The following SLC35D3 variants were observed in gnomAD, a reference collection of about 807,000 sequenced individuals.
SLC35D3 encodes frc, fringe-like 1.
In SLC35D3, 18 loss-of-function variants were observed where a neutral mutation model predicts 20.3. The observed-to-expected ratio is 0.89, with a 90% CI of 0.61 to 1.32. The LOEUF (loss-of-function observed/expected upper bound fraction) is 1.32, where lower values mean the gene tolerates loss of function less well. Ranked by LOEUF, SLC35D3 falls within the 40% of genes most tolerant of loss-of-function variation. SLC35D3 has a pLI of 0.00. For missense variants in SLC35D3, 556 were observed against 565.5 expected (o/e 0.98, Z 0.17); for synonymous variants, 313 against 263.5 (o/e 1.19, Z -1.82).
In SLC35D3 at chr6:136,924,414, G is replaced by A. The variant is rs376903042; in HGVS notation, c.969G>A (p.Ala323=). 48 of 1,613,818 alleles carry A rather than the reference G, an allele frequency of 3.0e-5. No homozygotes were observed. The highest frequency in any genetic ancestry group is 4.1e-5 in the Non-Finnish European group (48 of 1,179,934). The change falls in exon 2 of 2, where the codon GCG becomes GCA. Residue 323 remains alanine, a synonymous_variant. Transcript: ENST00000331858. ...DLEAQPRGEE[A]QLSGDQLPFV... ...AGGCCCAGCCTCGGGGAGAGGAGGC[G>A]CAGCTAAGTGGAGACCAGCTGCCGT...
rs560417898 is a variant in SLC35D3, at chr6:136,922,665, G to A, written c.237G>A (p.Ala79=). The A allele has an allele frequency of 3.7e-6, 6 of 1,606,630 alleles. No homozygotes were observed. The East Asian group carries it at 9.0e-5, about 24-fold the overall frequency. ...PFGLSLARSF[A]GVAVLSTLQS... is the part of the protein sequence containing the mutation. ...GTCTGAGCCTGGCGCGCTCCTTCGCGGGGGTCGCGGTGCTCTCCACGCTGC... is the reference window on the plus strand; with the variant it reads ...GTCTGAGCCTGGCGCGCTCCTTCGCAGGGGTCGCGGTGCTCTCCACGCTGC... Residue 79 remains alanine, a synonymous_variant, in exon 1 of 2, where the codon GCG becomes GCA. Transcript: ENST00000331858. This position sits in a 1 kb window ranked among gnomAD's most constrained non-coding sequence, Gnocchi z 6.8.
rs532053221 is a variant in SLC35D3, at chr6:136,922,882, G to T, written c.439+15G>T. On this transcript the variant is annotated intron_variant, in intron 1 of 1. Coordinates refer to ENST00000331858, the MANE Select transcript of SLC35D3 (RefSeq NM_001008783.3). This position sits in a 1 kb window ranked among gnomAD's most constrained non-coding sequence, Gnocchi z 6.8. ...CGCCCTGGCAGGTGAGCGGGCCCCC[G>T]CGCCGACCCCCAGCCGACCCCACCC... is the stretch of plus-strand genomic sequence containing the variant. 1.3e-6 allele frequency: 2 copies of T among 1,515,180 alleles called. No homozygotes were observed. Among genetic ancestry groups the T allele is most frequent in the African/African-American group, 1.4e-5 (1 of 72,160 alleles). The allele number at this position is 1,515,180 out of a possible 1,614,324, so 93.9% of individuals were successfully genotyped here.
Position 136,922,722 on chromosome 6 carries a change from C to A in SLC35D3, c.294C>A (p.Gly98=). ...QSSLTLWSLR[G]LSLPMYVVFK... is the part of the protein sequence containing the mutation. ...GCCTCACGCTCTGGTCCCTGCGCGG[C>A]CTCAGCCTGCCCATGTACGTGGTCT... is the stretch of plus-strand genomic sequence containing the variant. Residue 98 remains glycine, a synonymous_variant, in exon 1 of 2, where the codon GGC becomes GGA. Coordinates refer to ENST00000331858, the MANE Select transcript of SLC35D3 (RefSeq NM_001008783.3). The surrounding 1 kb of genome is among the most constrained non-coding windows in gnomAD (Gnocchi z 6.8). 1.3e-6 allele frequency: 2 copies of A among 1,583,774 alleles called. No individual in the cohort carries two copies. The highest frequency in any genetic ancestry group is 1.7e-6 in the Non-Finnish European group (2 of 1,165,786).
Position 136,923,282 on chromosome 6 carries a change from A to G in SLC35D3, c.439+415A>G, listed in dbSNP as rs1191774471. ...CTTCCTTGGGTCACGAGGGGCTGGA[A>G]TGGAGGTGGGGGATGGGGGCGAAGC... is the stretch of plus-strand genomic sequence containing the variant. On this transcript the variant is annotated intron_variant, in intron 1 of 1. Transcript: ENST00000331858. This position sits in a 1 kb window ranked among gnomAD's most constrained non-coding sequence, Gnocchi z 6.2. Among the ~76,000 whole-genome samples the G allele has an allele frequency of 3.9e-5, 6 of 152,078 alleles. No homozygotes were observed. The highest frequency in any genetic ancestry group is 1.4e-4 in the African/African-American group (6 of 41,422).
At position 136,922,871 on chromosome 6, in the gene SLC35D3, A is replaced by C; in HGVS notation, c.439+4A>C. On this transcript the variant is annotated splice_donor_region_variant and intron_variant, in intron 1 of 1. Transcript: ENST00000331858. This position sits in a 1 kb window ranked among gnomAD's most constrained non-coding sequence, Gnocchi z 6.8. Reference sequence around the variant, plus strand: ...ACCTGCGGCGCCGCCCTGGCAGGTGAGCGGGCCCCCGCGCCGACCCCCAGC... The same window carrying C: ...ACCTGCGGCGCCGCCCTGGCAGGTGCGCGGGCCCCCGCGCCGACCCCCAGC... 1 of 1,527,348 alleles carries C rather than the reference A, an allele frequency of 6.5e-7. No homozygotes were observed. The highest frequency in any genetic ancestry group is 2.5e-5 in the East Asian group (1 of 40,588). The allele number at this position is 1,527,348 out of a possible 1,614,324, so 94.6% of individuals were successfully genotyped here.
At position 136,922,829 on chromosome 6, in the gene SLC35D3, C is replaced by A. The variant is rs1349305987; in HGVS notation, c.401C>A (p.Ala134Glu). 2 of 1,552,684 alleles carry A rather than the reference C, an allele frequency of 1.3e-6. No homozygotes were observed. Among genetic ancestry groups the A allele is most frequent in the Non-Finnish European group, 1.7e-6 (2 of 1,150,918 alleles). Residue 134 changes from alanine to glutamate, a missense_variant, in exon 1 of 2, where the codon GCG (alanine) becomes GAG (glutamate). Transcript: ENST00000331858. This position sits in a 1 kb window ranked among gnomAD's most constrained non-coding sequence, Gnocchi z 6.8. ...KNGAPSPGVL[A>E]AVLITTCGAA... The stretch of plus-strand genomic sequence containing the variant: ...GGCGCGCCCTCGCCAGGGGTGCTGG[C>A]GGCGGTGCTCATCACCACCTGCGGC...
chr6:136,924,537 G>T lies in SLC35D3; in HGVS notation c.1092G>T (p.Arg364Ser). 1 of 1,613,436 alleles carries T rather than the reference G, an allele frequency of 6.2e-7. No individual in the cohort carries two copies. Among genetic ancestry groups the T allele is most frequent in the Non-Finnish European group, 8.5e-7 (1 of 1,179,948 alleles). Reference protein sequence around the residue: ...GPAQESRQEVRGSPRGVPLVA... With the variant: ...GPAQESRQEVSGSPRGVPLVA... The stretch of plus-strand genomic sequence containing the variant: ...CTCAGGAGAGCAGGCAAGAGGTCAG[G>T]GGCAGCCCCCGAGGAGTCCCGCTGG... Residue 364 changes from arginine to serine, a missense_variant, in exon 2 of 2, where the codon AGG (arginine) becomes AGT (serine). Arg to Ser is a moderately radical substitution (Grantham distance 110). Transcript: ENST00000331858.
Position 136,924,041 on chromosome 6 carries a change from C to CGCT in SLC35D3, c.601_603dup (p.Leu201dup), listed in dbSNP as rs774412490. 3.3e-5 allele frequency: 53 copies of CGCT among 1,607,336 alleles called. No homozygotes were observed. The East Asian group carries it at 1.2e-3, about 35-fold the overall frequency. ...TACGTCATCGCCGTCTCTGCCACCC[C>CGCT]GCTGCTGGTCATCTGCTCCTTCGCC... On this transcript the variant is annotated inframe_insertion, in exon 2 of 2. Coordinates refer to ENST00000331858, the MANE Select transcript of SLC35D3 (RefSeq NM_001008783.3).
chr6:136,922,452 C>T lies in SLC35D3; in HGVS notation c.24C>T (p.Arg8=), dbSNP rs1355055221. MRQLCRG[R]VLGISVAIAH... is the part of the protein sequence containing the mutation. Reference sequence around the variant, plus strand: ...CGATGCGGCAGCTGTGCCGGGGCCGCGTGCTGGGCATCTCGGTGGCCATCG... The same window carrying T: ...CGATGCGGCAGCTGTGCCGGGGCCGTGTGCTGGGCATCTCGGTGGCCATCG... Residue 8 remains arginine (R), a synonymous_variant, in exon 1 of 2, where the codon CGC becomes CGT. Coordinates refer to ENST00000331858, the MANE Select transcript of SLC35D3 (RefSeq NM_001008783.3). This position sits in a 1 kb window ranked among gnomAD's most constrained non-coding sequence, Gnocchi z 6.8. 4 of 1,595,096 alleles carry T rather than the reference C, an allele frequency of 2.5e-6. No homozygotes were observed. The Middle Eastern group carries it at 5.0e-4, about 199-fold the overall frequency.
Position 136,922,817 on chromosome 6 carries a change from C to A in SLC35D3, c.389C>A (p.Pro130Gln). 6.4e-7 allele frequency: 1 copy of A among 1,558,948 alleles called. No homozygotes were observed. The highest frequency in any genetic ancestry group is 8.7e-7 in the Non-Finnish European group (1 of 1,153,114). ...GTGCTCAAGAACGGCGCGCCCTCGC[C>A]AGGGGTGCTGGCGGCGGTGCTCATC... ...VLVLKNGAPSPGVLAAVLITT... is the reference protein window; with the variant it reads ...VLVLKNGAPSQGVLAAVLITT... Residue 130 changes from proline to glutamine, a missense_variant, in exon 1 of 2, where the codon CCA becomes CAA. Pro to Gln is a moderately conservative substitution (Grantham distance 76). Transcript: ENST00000331858. The surrounding 1 kb of genome is among the most constrained non-coding windows in gnomAD (Gnocchi z 6.8).
chr6:136,923,135 T>C lies in SLC35D3; in HGVS notation c.439+268T>C, dbSNP rs1249925862. On this transcript the variant is annotated intron_variant, in intron 1 of 1. Coordinates refer to ENST00000331858, the MANE Select transcript of SLC35D3 (RefSeq NM_001008783.3). The surrounding 1 kb of genome is among the most constrained non-coding windows in gnomAD (Gnocchi z 6.2). Reference sequence around the variant, plus strand: ...ATGCTTCACCCGGCATCGCCCTTCCTGTCGCCCCCTCTCCTGGTCTTCCCC... The same window carrying C: ...ATGCTTCACCCGGCATCGCCCTTCCCGTCGCCCCCTCTCCTGGTCTTCCCC... 6.6e-6 allele frequency among the ~76,000 whole-genome samples: 1 copy of C among 152,096 alleles called. No individual in the cohort carries two copies. Among genetic ancestry groups the C allele is most frequent in the Non-Finnish European group, 1.5e-5 (1 of 68,006 alleles).
rs374395876 is a variant in SLC35D3, at chr6:136,924,060, C to T, written c.615C>T (p.Ser205=). ...CCACCCCGCTGCTGGTCATCTGCTC[C>T]TTCGCCAGCACCGACTCCATCCACG... ...VSATPLLVIC[S]FASTDSIHAW... Residue 205 remains serine, a synonymous_variant, in exon 2 of 2, where the codon TCC becomes TCT. Coordinates refer to ENST00000331858, the MANE Select transcript of SLC35D3 (RefSeq NM_001008783.3). 6.2e-7 allele frequency: 1 copy of T among 1,610,504 alleles called. No homozygotes were observed.
At position 136,925,283 on chromosome 6, in the gene SLC35D3, C is replaced by T. The variant is rs1562766705; in HGVS notation, c.*587C>T. ...TTATTGTATTATATATTGATAGAAA[C>T]TGTTAAAGCTATTTTGAAAATATGA... On this transcript the variant is annotated 3_prime_UTR_variant, in exon 2 of 2. Transcript: ENST00000331858. 6.6e-6 allele frequency: 1 copy of T among 152,578 alleles called. No individual in the cohort carries two copies. Among genetic ancestry groups the T allele is most frequent in the African/African-American group, 2.4e-5 (1 of 41,422 alleles). 9.5% of individuals were successfully genotyped at this position (152,578 alleles called of 1,614,324 possible).
rs979420849 is a variant in SLC35D3, at chr6:136,923,958, C to T, written c.513C>T (p.Tyr171=). Residue 171 remains tyrosine (Y), a synonymous_variant, in exon 2 of 2, where the codon TAC becomes TAT. Coordinates refer to ENST00000331858, the MANE Select transcript of SLC35D3 (RefSeq NM_001008783.3). The surrounding 1 kb of genome is among the most constrained non-coding windows in gnomAD (Gnocchi z 6.2). Reference sequence around the variant, plus strand: ...TGGCGGTGCTGGTGCACGCTGCCTACCTGGTGCTCATCCAGAAGGCCAGCG... The same window carrying T: ...TGGCGGTGCTGGTGCACGCTGCCTATCTGGTGCTCATCCAGAAGGCCAGCG... ...GVLAVLVHAA[Y]LVLIQKASAD... The T allele has an allele frequency of 8.3e-6, 13 of 1,565,004 alleles. No individual in the cohort carries two copies. The highest frequency in any genetic ancestry group is 5.4e-5 in the Admixed American group (3 of 55,174).
Position 136,923,195 on chromosome 6 carries a change from G to A in SLC35D3, c.439+328G>A, listed in dbSNP as rs569260105. Among the ~76,000 whole-genome samples, 1 of 152,280 alleles carries A rather than the reference G, an allele frequency of 6.6e-6. No homozygotes were observed. Among genetic ancestry groups the A allele is most frequent in the African/African-American group, 2.4e-5 (1 of 41,560 alleles). ...ATTCTCCGGGAGAGGTGGGAGGGCC[G>A]CCTGAGCCTGGGAGCTGGAGTCCTC... On this transcript the variant is annotated intron_variant, in intron 1 of 1. Transcript: ENST00000331858. This position sits in a 1 kb window ranked among gnomAD's most constrained non-coding sequence, Gnocchi z 6.2.
Position 136,925,370 on chromosome 6 carries a change from T to C in SLC35D3, c.*674T>C, listed in dbSNP as rs1776119198. The C allele has an allele frequency of 6.5e-6, 1 of 152,694 alleles. No homozygotes were observed. Among genetic ancestry groups the C allele is most frequent in the Non-Finnish European group, 1.5e-5 (1 of 68,050 alleles). 9.5% of individuals were successfully genotyped at this position (152,694 alleles called of 1,614,324 possible). ...TCAGTAATTATTTTAAAAGTTGTTT[T>C]GGTTCATTGCTTTATAATATTTATT... On this transcript the variant is annotated 3_prime_UTR_variant, in exon 2 of 2. Transcript: ENST00000331858.
rs539088287 is a variant in SLC35D3, at chr6:136,922,414, G to C, written c.-15G>C. 2.0e-4 allele frequency: 295 copies of C among 1,505,648 alleles called. 3 individuals are homozygous for C. The African/African-American group carries it at 3.4e-3, about 18-fold the overall frequency. The allele number at this position is 1,505,648 out of a possible 1,614,324, so 93.3% of individuals were successfully genotyped here. A position where few individuals can be genotyped will look rare whatever the true frequency, so the allele number is the denominator to read the frequency against. ...GCGGAGCTCCGCCACCGCTGGGTGC[G>C]GCGAGGCCGGCGCGATGCGGCAGCT... is the stretch of plus-strand genomic sequence containing the variant. On this transcript the variant is annotated 5_prime_UTR_variant, in exon 1 of 2. Coordinates refer to ENST00000331858, the MANE Select transcript of SLC35D3 (RefSeq NM_001008783.3). The surrounding 1 kb of genome is among the most constrained non-coding windows in gnomAD (Gnocchi z 6.8).
At position 136,924,067 on chromosome 6, in the gene SLC35D3, A is replaced by G; in HGVS notation, c.622A>G (p.Ser208Gly). Residue 208 changes from serine (S) to glycine (G), a missense_variant, in exon 2 of 2, where the codon AGC becomes GGC. Transcript: ENST00000331858. ...GCTGCTGGTCATCTGCTCCTTCGCC[A>G]GCACCGACTCCATCCACGCCTGGAC... is the stretch of plus-strand genomic sequence containing the variant. ...TPLLVICSFA[S>G]TDSIHAWTFP... 1 of 1,611,294 alleles carries G rather than the reference A, an allele frequency of 6.2e-7. No individual in the cohort carries two copies.
rs1028686961 is a variant in SLC35D3 at position 136,923,952 on chromosome 6, T to C, written c.507T>C (p.Ala169=). 6.4e-7 allele frequency: 1 copy of C among 1,559,000 alleles called. No homozygotes were observed. Among genetic ancestry groups the C allele is most frequent in the East Asian group, 2.4e-5 (1 of 42,068 alleles). ...VTGVLAVLVH[A]AYLVLIQKAS... ...GAGTGCTGGCGGTGCTGGTGCACGCTGCCTACCTGGTGCTCATCCAGAAGG... is the reference window on the plus strand; with the variant it reads ...GAGTGCTGGCGGTGCTGGTGCACGCCGCCTACCTGGTGCTCATCCAGAAGG... The change falls in exon 2 of 2, where the codon GCT becomes GCC. Residue 169 remains alanine, a synonymous_variant. Coordinates refer to ENST00000331858, the MANE Select transcript of SLC35D3 (RefSeq NM_001008783.3). This position sits in a 1 kb window ranked among gnomAD's most constrained non-coding sequence, Gnocchi z 6.2.
Sources: gnomAD v4.1 joint callset for allele counts (sites outside exome capture counted in the v4.1 genomes callset) on GRCh38, gnomAD v4.1.1 for gene constraint, Gnocchi (gnomAD v3.1) non-coding constraint, MANE v1.5 for transcripts, NCBI Gene and HGNC (gene_info 2026-07-23, HGNC 2026-07-21) for gene names.